The following CNTRL variants were observed in gnomAD, a reference collection of about 807,000 sequenced individuals.
CNTRL encodes the protein centriolin.
Under a neutral mutation model 303.7 loss-of-function variants are expected in CNTRL, and 233 were observed. The observed-to-expected ratio is 0.77, with a 90% CI of 0.69 to 0.86. The LOEUF is 0.86. Among genes scored for constraint, CNTRL ranks in the 40% least tolerant of loss-of-function variants. The pLI is 0.00. For missense variants in CNTRL, 2,524 were observed against 2,650.6 expected (o/e 0.95, Z 1.05); for synonymous variants, 900 against 922.2 (o/e 0.98, Z 0.44).
chr9:121,082,816 C>T (rs1167155584), intron 2 of CNTRL, among the ~76,000 whole-genome samples: 6 of 151,586 alleles, frequency 4.0e-5, no homozygotes, highest in African/African-American at 1.5e-4. Flanking sequence ...CTAAAAATAC[C>T]AAAATTAGCC....
intron 7 of CNTRL, among the ~76,000 whole-genome samples, chr9:121,104,239 G>A (rs2049336564): frequency 6.6e-6 from 1 of 152,218 alleles, no homozygotes; most frequent in South Asian, 2.1e-4. Flanking sequence ...CATGGTTGAA[G>A]CTGGAAACCA....
At chr9:121,110,185 A>G (rs989597464) in intron 8 of CNTRL, among the ~76,000 whole-genome samples, 2 of 152,046 alleles carry the variant, frequency 1.3e-5, no homozygotes, top group Admixed American at 6.6e-5. Context: ...ACAAATATTA[A>G]CCAAATTTAC....
Position 121,118,362 on chromosome 9 carries a change from A to G in CNTRL, c.1472A>G (p.Lys491Arg), listed in dbSNP as rs201982083. ...IQLKKISEAGKDLLYKQLSGR... is the reference protein window; with the variant it reads ...IQLKKISEAGRDLLYKQLSGR... ...GGAGATTAGATTTCAGAAGCAGGGA[A>G]AGACCTTCTTTACAAGCAGTTGAGT... is the stretch of plus-strand genomic sequence containing the variant. The change falls in exon 12 of 44, where the codon AAA (lysine) becomes AGA (arginine). Residue 491 changes from lysine (K) to arginine (R), a missense_variant. Transcript: ENST00000373855. The G allele has an allele frequency of 9.4e-6, 15 of 1,594,288 alleles. No homozygotes were observed. In the East Asian group the frequency reaches 2.7e-4, roughly 29 times the overall value.
In CNTRL at chr9:121,141,366, C is replaced by G; in HGVS notation, c.2484-15C>G. The G allele has an allele frequency of 6.3e-7, 1 of 1,586,576 alleles. No individual in the cohort carries two copies. On this transcript the variant is annotated splice_polypyrimidine_tract_variant and intron_variant, in intron 17 of 43. Coordinates refer to ENST00000373855, the MANE Select transcript of CNTRL (RefSeq NM_007018.6). ...TAAATGTCACATTTATACCATTTTTCCCCCTCCTTACTAGCATCCATAGTC... is the reference window on the plus strand; with the variant it reads ...TAAATGTCACATTTATACCATTTTTGCCCCTCCTTACTAGCATCCATAGTC...
chr9:121,156,106 TATA>T (rs531611783), intron 27 of CNTRL, among the ~76,000 whole-genome samples: 4 of 151,912 alleles, frequency 2.6e-5, no homozygotes, highest in Admixed American at 2.6e-4. Context: ...AAATCACTGG[TATA>T]ATAATATATA....
chr9:121,169,726 C>G lies in CNTRL; in HGVS notation c.6186C>G (p.Phe2062Leu). Residue 2062 changes from phenylalanine (F) to leucine (L), a missense_variant, in exon 39 of 44, where the codon TTC (phenylalanine) becomes TTG (leucine). Coordinates refer to ENST00000373855, the MANE Select transcript of CNTRL (RefSeq NM_007018.6). Reference sequence around the variant, plus strand: ...ACTTCAGCCTTCTGCGGAACCAGTTCTTGACAGAAAGAAAGAAAGCTGAGA... The same window carrying G: ...ACTTCAGCCTTCTGCGGAACCAGTTGTTGACAGAAAGAAAGAAAGCTGAGA... ...RADFSLLRNQ[F>L]LTERKKAEKQ... 6.2e-7 allele frequency: 1 copy of G among 1,614,176 alleles called. No individual in the cohort carries two copies. The highest frequency in any genetic ancestry group is 1.1e-5 in the South Asian group (1 of 91,078).
chr9:121,078,378 A>G (rs1226088623), intron 1 of CNTRL, among the ~76,000 whole-genome samples: 3 of 152,246 alleles, frequency 2.0e-5, no homozygotes, highest in Non-Finnish European at 4.4e-5. Context: ...ACCGCACTCC[A>G]GCCTGGGCAA....
At chr9:121,128,343 G>T (rs1043200472) in intron 14 of CNTRL, among the ~76,000 whole-genome samples, 3 of 152,146 alleles carry the variant, frequency 2.0e-5, no homozygotes, top group Non-Finnish European at 4.4e-5. Context: ...CATTCTAACT[G>T]GTGTGAAATG....
intron 2 of CNTRL, among the ~76,000 whole-genome samples, chr9:121,086,916 G>T (rs549898115): frequency 6.6e-6 from 1 of 152,280 alleles, no homozygotes; most frequent in African/African-American, 2.4e-5. Flanking sequence ...GCCTCCCAAA[G>T]TGCGGGGATT....
rs1161356233 is a variant in CNTRL at position 121,164,988 on chromosome 9, CTT to C, written c.5470_5471del (p.Leu1824ArgfsTer26). ...AAAATAGCAAAATGGAGCAATCAAA[CTT>C]AGAAAAGTTGGAATTGAATGTCAGA... The part of the protein sequence containing the change: ...EENSKMEQSN[L>X]EKLELNVRKL... On this transcript the variant is annotated frameshift_variant, in exon 35 of 44. Coordinates refer to ENST00000373855, the MANE Select transcript of CNTRL (RefSeq NM_007018.6). LOFTEE classifies it high-confidence loss of function. 1 of 1,612,284 alleles carries C rather than the reference CTT, an allele frequency of 6.2e-7. No individual in the cohort carries two copies. The highest frequency in any genetic ancestry group is 8.5e-7 in the Non-Finnish European group (1 of 1,179,514).
intron 2 of CNTRL, among the ~76,000 whole-genome samples, chr9:121,086,155 AC>A (rs1309068034): frequency 6.6e-6 from 1 of 151,960 alleles, no homozygotes; most frequent in East Asian, 1.9e-4. Context: ...CTGGAAGATA[AC>A]TCTATTCATT....
intron 40 of CNTRL, 115 bp from the exon 41 acceptor site, chr9:121,173,128 G>T: frequency 2.2e-6 from 2 of 906,922 alleles, no homozygotes; most frequent in Non-Finnish European, 1.6e-6. Context: ...TACAGTTCTA[G>T]TAATCATAGT....
chr9:121,140,868 A>C, intron 17 of CNTRL, 82 bp downstream of exon 17: 85 of 1,368,468 alleles, frequency 6.2e-5, no homozygotes, highest in Middle Eastern at 1.9e-4. Context: ...TGATAAACTC[A>C]CCTTTCTAAG....
chr9:121,111,235 A>G (rs2133102083), intron 8 of CNTRL: 1 of 152,292 alleles, frequency 6.6e-6, no homozygotes, highest in African/African-American at 2.4e-5. Context: ...GGAGACTTGG[A>G]ATTGAATTCT....
At chr9:121,086,857 T>C (rs531368559) in intron 2 of CNTRL, among the ~76,000 whole-genome samples, 3 of 152,148 alleles carry the variant, frequency 2.0e-5, no homozygotes, top group Non-Finnish European at 4.4e-5. Flanking sequence ...TTTGCCATGT[T>C]GGCCAGGCTG....
chr9:121,163,958 G>A (rs1034291101), intron 34 of CNTRL, among the ~76,000 whole-genome samples: 2 of 150,076 alleles, frequency 1.3e-5, no homozygotes, highest in Non-Finnish European at 2.9e-5. Flanking sequence ...TCCACCTTCC[G>A]GGTTCACGGC....
chr9:121,102,887 C>G (rs1232557875), intron 7 of CNTRL, among the ~76,000 whole-genome samples: 1 of 151,996 alleles, frequency 6.6e-6, no homozygotes, highest in South Asian at 2.1e-4. Flanking sequence ...CACTGCTCAA[C>G]GAAATAAAAG....
At position 121,173,464 on chromosome 9, in the gene CNTRL, G is replaced by A. The variant is rs759009020; in HGVS notation, c.6639G>A (p.Glu2213=). 1.2e-5 allele frequency: 19 copies of A among 1,613,562 alleles called. No homozygotes were observed. Among genetic ancestry groups the A allele is most frequent in the Admixed American group, 5.0e-5 (3 of 59,912 alleles). The change falls in exon 41 of 44, where the codon GAG becomes GAA. Residue 2213 remains glutamate, a synonymous_variant. Transcript: ENST00000373855. The part of the protein sequence containing the change: ...LKENLPFTMN[E]GPFEEKLNFS... ...AGAACCTTCCATTTACCATGAATGAGGGACCTTTTGAAGAAAAACTGAACT... is the reference window on the plus strand; with the variant it reads ...AGAACCTTCCATTTACCATGAATGAAGGACCTTTTGAAGAAAAACTGAACT...
At chr9:121,082,062 C>T (rs184487661) in intron 2 of CNTRL, among the ~76,000 whole-genome samples, 1 of 152,306 alleles carries the variant, frequency 6.6e-6, no homozygotes, top group Admixed American at 6.5e-5. Context: ...ACAGGAGGAA[C>T]ATCAAATATA....
Sources: gnomAD v4.1 joint callset for allele counts (sites outside exome capture counted in the v4.1 genomes callset) on GRCh38, gnomAD v4.1.1 for gene constraint, MANE v1.5 for transcripts, NCBI Gene and HGNC (gene_info 2026-07-23, HGNC 2026-07-21) for gene names.